Variants in MSI2 observed in about 807,000 individuals in gnomAD.
The protein encoded by MSI2 is musashi RNA binding protein 2.
A neutral mutation model predicts 45.6 loss-of-function variants in MSI2; 17 were observed. That is an observed-to-expected ratio of 0.37 (90% CI 0.26 to 0.56). The LOEUF is 0.56. Ranked by LOEUF, MSI2 falls within the 20% of genes least tolerant of loss-of-function variation. The probability of loss-of-function intolerance (pLI) is 0.77; values close to 1 mark genes in which losing one functional copy is unlikely to be tolerated. For missense variants in MSI2, 293 were observed against 444.2 expected, an observed-to-expected ratio of 0.66 and a Z score of 3.06; for synonymous variants, 156 against 158.2, an observed-to-expected ratio of 0.99 and a Z score of 0.11.
chr17:57,544,500 C>T (rs1057117212), intron 7 of MSI2, among the ~76,000 whole-genome samples: 3 of 152,086 alleles, frequency 2.0e-5, no homozygotes, highest in Non-Finnish European at 4.4e-5. Flanking sequence ...GGTAGCCCAG[C>T]GAATCTTGCT....
chr17:57,613,818 GTC>G (rs1428238543), intron 8 of MSI2, among the ~76,000 whole-genome samples: 1 of 152,166 alleles, frequency 6.6e-6, no homozygotes, highest in Non-Finnish European at 1.5e-5. Flanking sequence ...AAGCATATTA[GTC>G]ATGAATGTTG....
intron 6 of MSI2, among the ~76,000 whole-genome samples, chr17:57,436,935 C>T (rs2084701635): frequency 2.0e-5 from 3 of 152,172 alleles, no homozygotes; most frequent in Admixed American, 2.0e-4. Flanking sequence ...TCACCTCTCC[C>T]AGCTGAGAAG....
At chr17:57,301,571 C>G (rs1379612945) in intron 5 of MSI2, among the ~76,000 whole-genome samples, 1 of 152,222 alleles carries the variant, frequency 6.6e-6, no homozygotes, top group Non-Finnish European at 1.5e-5. Flanking sequence ...GCTTTTCACC[C>G]TTGTATTAGA....
intron 7 of MSI2, among the ~76,000 whole-genome samples, chr17:57,575,606 T>G (rs1359376411): frequency 6.6e-6 from 1 of 152,126 alleles, no homozygotes; most frequent in African/African-American, 2.4e-5. Flanking sequence ...ACCTCAGACC[T>G]TCAGCTAAGC....
intron 5 of MSI2, among the ~76,000 whole-genome samples, chr17:57,348,241 TG>T (rs1225229958): frequency 1.3e-5 from 2 of 152,128 alleles, no homozygotes; most frequent in Non-Finnish European, 2.9e-5. Flanking sequence ...GACTAGGGGT[TG>T]AGTTGGGAGT....
intron 7 of MSI2, among the ~76,000 whole-genome samples, chr17:57,588,185 C>T (rs982847632): frequency 5.3e-5 from 8 of 152,158 alleles, no homozygotes; most frequent in African/African-American, 1.7e-4. Flanking sequence ...GCATCCATCG[C>T]GGGCTTGTTT....
intron 11 of MSI2, among the ~76,000 whole-genome samples, chr17:57,657,627 GGGAGGAGAATA>G (rs1911695337): frequency 6.6e-6 from 1 of 152,202 alleles, no homozygotes; most frequent in Non-Finnish European, 1.5e-5. Flanking sequence ...AAATGCTTTA[GGGAGGAGAATA>G]GATCTCAAGA....
At chr17:57,335,463 G>C (rs1598136357) in intron 5 of MSI2, among the ~76,000 whole-genome samples, 1 of 152,340 alleles carries the variant, frequency 6.6e-6, no homozygotes, top group Non-Finnish European at 1.5e-5. Context: ...GCCTATGGCA[G>C]ATTTTTTGTT....
chr17:57,390,594 T>A (rs974925935), intron 5 of MSI2, among the ~76,000 whole-genome samples: 2 of 152,224 alleles, frequency 1.3e-5, no homozygotes, highest in African/African-American at 4.8e-5. Context: ...TAATCAAGGC[T>A]AAGGGTTGAG....
chr17:57,618,945 G>T (rs1005877427), intron 9 of MSI2, among the ~76,000 whole-genome samples: 3 of 152,198 alleles, frequency 2.0e-5, no homozygotes, highest in Non-Finnish European at 2.9e-5. Flanking sequence ...TTTAAAATGA[G>T]CATAAAGGCC....
At chr17:57,448,974 T>C (rs1370362434) in intron 6 of MSI2, 1 of 152,168 alleles carries the variant, frequency 6.6e-6, no homozygotes, top group East Asian at 1.9e-4. Flanking sequence ...CTGGCAGGTA[T>C]GTAGTAAATG....
At chr17:57,537,428 T>C (rs766661917) in intron 7 of MSI2, among the ~76,000 whole-genome samples, 1 of 152,230 alleles carries the variant, frequency 6.6e-6, no homozygotes, top group Non-Finnish European at 1.5e-5. Flanking sequence ...CGGAGCTGTC[T>C]GCACATTTTA....
chr17:57,347,752 G>A (rs1056162994), intron 5 of MSI2, among the ~76,000 whole-genome samples: 1 of 152,194 alleles, frequency 6.6e-6, no homozygotes, highest in Non-Finnish European at 1.5e-5. Flanking sequence ...ACCTGCTTCC[G>A]TGGAATTGGC....
chr17:57,628,859 GAAGAA>G (rs1447688711), intron 10 of MSI2: 4 of 152,648 alleles, frequency 2.6e-5, no homozygotes, highest in Non-Finnish European at 4.4e-5. Context: ...TCCCAGACCT[GAAGAA>G]AAGAAGGGCA....
chr17:57,392,656 C>T (rs139377829), intron 5 of MSI2, among the ~76,000 whole-genome samples: 1 of 152,212 alleles, frequency 6.6e-6, no homozygotes, highest in African/African-American at 2.4e-5. Flanking sequence ...TAATTAGTTT[C>T]CTTTGAAGTT....
chr17:57,509,178 G>A (rs140123246), intron 6 of MSI2, among the ~76,000 whole-genome samples: 148 of 152,250 alleles, frequency 9.7e-4, no homozygotes, highest in African/African-American at 3.3e-3. Flanking sequence ...TATTTCATGT[G>A]GAAGTCTGAA....
chr17:57,690,120 G>T, the MSI2 span, among the ~76,000 whole-genome samples: 3 of 141,180 alleles, frequency 2.1e-5, no homozygotes, highest in Middle Eastern at 0.011. Context: ...TGGTTACTTT[G>T]TATTCTTGTT....
intron 6 of MSI2, among the ~76,000 whole-genome samples, chr17:57,422,189 C>T (rs372833037): frequency 2.6e-5 from 4 of 152,086 alleles, no homozygotes; most frequent in Non-Finnish European, 2.9e-5. Flanking sequence ...GGGCCAGGTG[C>T]GGTGGCTCAC....
At chr17:57,674,016 G>A (rs899417941) in intron 11 of MSI2, among the ~76,000 whole-genome samples, 4 of 151,074 alleles carry the variant, frequency 2.6e-5, no homozygotes, top group Non-Finnish European at 5.9e-5. Context: ...GGAGGTGAGT[G>A]TGTGGGTGTC....
Sources: gnomAD v4.1 joint callset for allele counts (sites outside exome capture counted in the v4.1 genomes callset) on GRCh38, gnomAD v4.1.1 for gene constraint, MANE v1.5 for transcripts, NCBI Gene and HGNC (gene_info 2026-07-23, HGNC 2026-07-21) for gene names.